Variants in SLC5A10 observed in about 807,000 individuals in gnomAD.
The protein encoded by SLC5A10 is sodium/mannose cotransporter SLC5A10.
In SLC5A10, 55 loss-of-function variants were observed where a neutral mutation model predicts 68.9. The observed-to-expected ratio is 0.80, with a 90% CI of 0.64 to 1.00. The LOEUF is 1.00. SLC5A10 is among the 50% of genes least tolerant of loss of function. The pLI, the probability that SLC5A10 is intolerant of heterozygous loss-of-function variation, is 0.00. For synonymous variants in SLC5A10, 344 were observed against 344.8 expected, an observed-to-expected ratio of 1.00 and a Z score of 0.02; for missense variants, 732 against 819.3, an observed-to-expected ratio of 0.89 and a Z score of 1.30.
At position 19,017,235 on chromosome 17, in the gene SLC5A10, C is replaced by T; in HGVS notation, c.1241+2036C>T. 6.6e-7 allele frequency: 1 copy of T among 1,505,962 alleles called. No homozygotes were observed. The highest frequency in any genetic ancestry group is 9.0e-7 in the Non-Finnish European group (1 of 1,106,016). The allele number at this position is 1,505,962 out of a possible 1,614,324, so 93.3% of individuals were successfully genotyped here. ...CCAGCTGGATAGAGCAGAAAGGGCC[C>T]CGTGCCAGGTGTCAGGCTGGCCAGC... On this transcript the variant is annotated intron_variant, in intron 11 of 14. Transcript: ENST00000395645. The surrounding 1 kb of genome is among the most constrained non-coding windows in gnomAD (Gnocchi z 5.6).
intron 9 of SLC5A10, among the ~76,000 whole-genome samples, chr17:18,983,342 C>T (rs547957224): frequency 6.6e-6 from 1 of 152,402 alleles, no homozygotes; most frequent in South Asian, 2.1e-4. Flanking sequence ...CCAGGTCCCA[C>T]AGCAGGTCAA....
chr17:18,966,674 C>A (rs1056704897), intron 5 of SLC5A10, among the ~76,000 whole-genome samples: 3 of 139,872 alleles, frequency 2.1e-5, no homozygotes, highest in Non-Finnish European at 4.5e-5. Flanking sequence ...CACTTGAACC[C>A]GGGAGGTGGA....
intron 9 of SLC5A10, among the ~76,000 whole-genome samples, chr17:18,987,908 C>T (rs539718958): frequency 7.9e-5 from 12 of 152,306 alleles, no homozygotes; most frequent in African/African-American, 2.6e-4. Flanking sequence ...GCAGTGAGCA[C>T]ACTATCACCA....
At chr17:18,991,173 A>C (rs1248711319) in intron 9 of SLC5A10, among the ~76,000 whole-genome samples, 1 of 152,188 alleles carries the variant, frequency 6.6e-6, no homozygotes, top group African/African-American at 2.4e-5. Flanking sequence ...CACTTGTGAC[A>C]CCATGAGCTC....
intron 5 of SLC5A10, among the ~76,000 whole-genome samples, chr17:18,964,694 G>C (rs2042675837): frequency 6.6e-6 from 1 of 151,380 alleles, no homozygotes; most frequent in Non-Finnish European, 1.5e-5. Context: ...GCAAGAGCTT[G>C]GCAAGTCCAG....
intron 9 of SLC5A10, among the ~76,000 whole-genome samples, chr17:18,997,003 C>G (rs1045199497): frequency 6.6e-6 from 1 of 152,248 alleles, no homozygotes; most frequent in African/African-American, 2.4e-5. Context: ...GGGAGTGAAA[C>G]TGGATGAACT....
At chr17:18,997,184 C>T (rs559637280) in intron 9 of SLC5A10, among the ~76,000 whole-genome samples, 16 of 152,380 alleles carry the variant, frequency 1.1e-4, no homozygotes, top group African/African-American at 3.6e-4. Flanking sequence ...ATGCCCAGAG[C>T]GCTCTGACCA....
chr17:19,003,724 C>T lies in SLC5A10; in HGVS notation c.983-9686C>T, dbSNP rs2043797051. 6.2e-7 allele frequency: 1 copy of T among 1,603,922 alleles called. No homozygotes were observed. On this transcript the variant is annotated intron_variant, in intron 9 of 14. Transcript: ENST00000395645. This position sits in a 1 kb window ranked among gnomAD's most constrained non-coding sequence, Gnocchi z 4.5. ...GCAGCGGCTCGGCCTCGATGGGGAC[C>T]CCATCCGCCCCGCTGGCTTCCTCGC...
Position 18,996,868 on chromosome 17 carries a change from C to T in SLC5A10, c.983-16542C>T, listed in dbSNP as rs943004590. Reference sequence around the variant, plus strand: ...GCCACCTCAGCTCTTGAAAGAAATACCTGACCATCAGCACTGTCTGGAAGG... The same window carrying T: ...GCCACCTCAGCTCTTGAAAGAAATATCTGACCATCAGCACTGTCTGGAAGG... On this transcript the variant is annotated intron_variant, in intron 9 of 14. Coordinates refer to ENST00000395645, the MANE Select transcript of SLC5A10 (RefSeq NM_001042450.4). The surrounding 1 kb of genome is among the most constrained non-coding windows in gnomAD (Gnocchi z 4.4). Among the ~76,000 whole-genome samples, 4 of 152,212 alleles carry T rather than the reference C, an allele frequency of 2.6e-5. No individual in the cohort carries two copies. The highest frequency in any genetic ancestry group is 9.7e-5 in the African/African-American group (4 of 41,444).
At chr17:19,005,621 G>A (rs1487775993) in intron 9 of SLC5A10, among the ~76,000 whole-genome samples, 1 of 151,920 alleles carries the variant, frequency 6.6e-6, no homozygotes. Context: ...GTAGGCTGGT[G>A]ACATCTCTAG....
rs2043690635 is a variant in SLC5A10, at chr17:19,000,069, G to A, written c.983-13341G>A. On this transcript the variant is annotated intron_variant, in intron 9 of 14. Transcript: ENST00000395645. The surrounding 1 kb of genome is among the most constrained non-coding windows in gnomAD (Gnocchi z 5.2). Reference sequence around the variant, plus strand: ...CAGGCTGCAGCCAAGTGAGGCCGGGGCTCGCCCCTCCCAGGCGTGATCTTA... The same window carrying A: ...CAGGCTGCAGCCAAGTGAGGCCGGGACTCGCCCCTCCCAGGCGTGATCTTA... Among the ~76,000 whole-genome samples the A allele has an allele frequency of 6.6e-6, 1 of 152,240 alleles. No homozygotes were observed. Among genetic ancestry groups the A allele is most frequent in the African/African-American group, 2.4e-5 (1 of 41,462 alleles).
intron 9 of SLC5A10, among the ~76,000 whole-genome samples, chr17:18,983,938 A>T (rs1211151997): frequency 1.3e-5 from 2 of 152,182 alleles, no homozygotes; most frequent in Non-Finnish European, 2.9e-5. Flanking sequence ...TGTCCCCGGC[A>T]GTGTAGGATG....
At chr17:18,974,336 T>C (rs1330033877) in intron 8 of SLC5A10, among the ~76,000 whole-genome samples, 1 of 152,226 alleles carries the variant, frequency 6.6e-6, no homozygotes, top group Non-Finnish European at 1.5e-5. Flanking sequence ...GGCTCATCCA[T>C]GACAAGTAGG....
At chr17:19,009,942 G>C (rs919303504) in intron 9 of SLC5A10, among the ~76,000 whole-genome samples, 1 of 152,128 alleles carries the variant, frequency 6.6e-6, no homozygotes, top group African/African-American at 2.4e-5. Flanking sequence ...GGTGGGAAGG[G>C]TGTTCCAGGG....
At chr17:19,012,191 T>C (rs1422056959) in intron 9 of SLC5A10, among the ~76,000 whole-genome samples, 1 of 135,238 alleles carries the variant, frequency 7.4e-6, no homozygotes, top group Non-Finnish European at 1.5e-5. Flanking sequence ...TCTTCATCCC[T>C]ACGTATCACT....
In SLC5A10 at chr17:19,000,394, G is replaced by A. The variant is rs1418138943; in HGVS notation, c.983-13016G>A. ...AGATGGGATGACCGGGGCTTGGAGA[G>A]GAGCTGGGGCTTGTTCCAGGTCCCA... is the stretch of plus-strand genomic sequence containing the variant. On this transcript the variant is annotated intron_variant, in intron 9 of 14. Coordinates refer to ENST00000395645, the MANE Select transcript of SLC5A10 (RefSeq NM_001042450.4). The surrounding 1 kb of genome is among the most constrained non-coding windows in gnomAD (Gnocchi z 5.2). Among the ~76,000 whole-genome samples the A allele has an allele frequency of 1.3e-5, 2 of 152,204 alleles. No homozygotes were observed. Among genetic ancestry groups the A allele is most frequent in the Non-Finnish European group, 2.9e-5 (2 of 68,034 alleles).
intron 5 of SLC5A10, among the ~76,000 whole-genome samples, chr17:18,966,047 C>T (rs1311510409): frequency 6.6e-6 from 1 of 152,206 alleles, no homozygotes; most frequent in African/African-American, 2.4e-5. Context: ...TGTCACCTGT[C>T]AAAAGTGGCA....
chr17:18,968,148 C>A lies in SLC5A10; in HGVS notation c.454-904C>A, dbSNP rs535001045. On this transcript the variant is annotated intron_variant, in intron 5 of 14. Transcript: ENST00000395645. This position sits in a 1 kb window ranked among gnomAD's most constrained non-coding sequence, Gnocchi z 4.1. ...GGAGCTCAAAGGGGCCTGGGGCCTG[C>A]ACTTCCTGGGCCTCGTGCAGATGTG... 4.1e-4 allele frequency among the ~76,000 whole-genome samples: 63 copies of A among 152,322 alleles called. No homozygotes were observed. The highest frequency in any genetic ancestry group is 1.4e-3 in the African/African-American group (58 of 41,570).
In SLC5A10 at chr17:19,014,983, G is replaced by C. The variant is rs1055046426; in HGVS notation, c.1091-66G>C. On this transcript the variant is annotated intron_variant, in intron 10 of 14. Transcript: ENST00000395645. ...GGCGGGCCTCAGGCATTAGAGCCCA[G>C]GCGGGAGGGGTTCCCGGGGCTGTCT... The C allele has an allele frequency of 2.7e-5, 42 of 1,567,288 alleles. 1 individual carries two copies. The South Asian group carries it at 4.4e-4, about 16-fold the overall frequency.
Sources: gnomAD v4.1 joint callset for allele counts (sites outside exome capture counted in the v4.1 genomes callset) on GRCh38, gnomAD v4.1.1 for gene constraint, Gnocchi (gnomAD v3.1) non-coding constraint, MANE v1.5 for transcripts, NCBI Gene and HGNC (gene_info 2026-07-23, HGNC 2026-07-21) for gene names.